The following MAPKAPK3 variants were observed in gnomAD, a reference collection of about 807,000 sequenced individuals.
MAPKAPK3 encodes MAPK activated protein kinase 3, also known as MAP kinase-activated protein kinase 3.
MAPKAPK3 carries 35 observed loss-of-function variants against 49.2 expected under a neutral mutation model. That is an observed-to-expected ratio of 0.71 (90% confidence interval 0.54 to 0.94). The LOEUF is 0.94. MAPKAPK3 is among the 40% of genes least tolerant of loss of function. MAPKAPK3 has a pLI of 0.00. For missense variants in MAPKAPK3, 398 were observed against 493.1 expected (o/e 0.81, Z 1.83); for synonymous variants, 178 against 188.7 (o/e 0.94, Z 0.46).
chr3:50,626,915 G>A (rs987775680), intron 2 of MAPKAPK3, among the ~76,000 whole-genome samples: 6 of 152,176 alleles, frequency 3.9e-5, no homozygotes, highest in African/African-American at 1.4e-4. Context: ...AGCCTGGGCC[G>A]GGCGCAGTGG....
Position 50,646,223 on chromosome 3 carries a change from A to G in MAPKAPK3, c.788A>G (p.Tyr263Cys). The part of the protein sequence containing the change: ...GMKRRIRLGQ[Y>C]GFPNPEWSEV... ...AAGAGGAGGATTCGCCTGGGCCAGT[A>G]CGGCTTCCCCAATCCTGAGTGGTCA... The change falls in exon 8 of 11, where the codon TAC becomes TGC. Residue 263 changes from tyrosine (Y) to cysteine (C), a missense_variant. Physicochemically the swap from Tyr to Cys is radical, Grantham distance 194 (BLOSUM62 -2). Around this residue, in one of 5 missense-constraint regions of MAPKAPK3, gnomAD observed 152 missense variants for 177.3 expected, o/e 0.86. Transcript: ENST00000621469. 6.2e-7 allele frequency: 1 copy of G among 1,614,138 alleles called. No individual in the cohort carries two copies. The highest frequency in any genetic ancestry group is 8.5e-7 in the Non-Finnish European group (1 of 1,180,028).
At chr3:50,632,684 C>G (rs1046947868) in intron 2 of MAPKAPK3, among the ~76,000 whole-genome samples, 3 of 152,232 alleles carry the variant, frequency 2.0e-5, no homozygotes, top group South Asian at 4.1e-4. Context: ...TCTCTTACCC[C>G]GGAAACAGTG....
At chr3:50,634,309 G>T (rs577373437) in intron 2 of MAPKAPK3, among the ~76,000 whole-genome samples, 9 of 152,102 alleles carry the variant, frequency 5.9e-5, no homozygotes, top group Admixed American at 2.0e-4. Flanking sequence ...GTCTGTGTGT[G>T]TGTGTGAATG....
At chr3:50,642,984 T>A (rs2033210199) in intron 5 of MAPKAPK3, among the ~76,000 whole-genome samples, 1 of 152,218 alleles carries the variant, frequency 6.6e-6, no homozygotes, top group Non-Finnish European at 1.5e-5. Flanking sequence ...CCCAAGTAGC[T>A]GGGACTACAG....
At chr3:50,636,536 T>C (rs1018988018) in intron 2 of MAPKAPK3, among the ~76,000 whole-genome samples, 7 of 152,188 alleles carry the variant, frequency 4.6e-5, no homozygotes, top group Non-Finnish European at 8.8e-5. Context: ...TTTTCTGTCT[T>C]GATGGAAGTT....
chr3:50,634,277 A>G (rs2107588642), intron 2 of MAPKAPK3, among the ~76,000 whole-genome samples: 1 of 152,124 alleles, frequency 6.6e-6, no homozygotes, highest in South Asian at 2.1e-4. Context: ...TTTCCACCTC[A>G]CAGGGGTGTG....
rs79159165 is a variant in MAPKAPK3, at chr3:50,648,259, G to T, written c.*213G>T. ...GGCTCAAGCCCTAGAGATGGGCAGGGCCTAGGGGCTGGGAGCTGCCTGCTG... is the reference window on the plus strand; with the variant it reads ...GGCTCAAGCCCTAGAGATGGGCAGGTCCTAGGGGCTGGGAGCTGCCTGCTG... On this transcript the variant is annotated 3_prime_UTR_variant, in exon 11 of 11. Transcript: ENST00000621469. 25,056 of 558,790 alleles carry T rather than the reference G, an allele frequency of 0.045. 3,055 individuals are homozygous for T. Among genetic ancestry groups the T allele is most frequent in the East Asian group, 0.32 (10,058 of 31,032 alleles). 34.6% of individuals were successfully genotyped at this position (558,790 alleles called of 1,614,324 possible).
chr3:50,617,571 TG>T lies in MAPKAPK3; in HGVS notation c.8del (p.Gly3ValfsTer37). ...CTGAGCGCCCCGCGGGGGCCATGGA[TG>T]GTGAAACAGCAGAGGAGCAGGGGGG... MD[G>X]ETAEEQGGPV... is the part of the protein sequence containing the mutation. On this transcript the variant is annotated frameshift_variant, in exon 2 of 11. Transcript: ENST00000621469. LOFTEE classifies it high-confidence loss of function. 1 of 1,541,788 alleles carries T rather than the reference TG, an allele frequency of 6.5e-7. No individual in the cohort carries two copies. The highest frequency in any genetic ancestry group is 8.9e-7 in the Non-Finnish European group (1 of 1,119,996).
chr3:50,623,108 C>G (rs979747656), intron 2 of MAPKAPK3, among the ~76,000 whole-genome samples: 1 of 152,164 alleles, frequency 6.6e-6, no homozygotes, highest in Non-Finnish European at 1.5e-5. Flanking sequence ...ATCTCCAGAC[C>G]GGTCAGATCA....
upstream of MAPKAPK3, among the ~76,000 whole-genome samples, chr3:50,614,851 C>A (rs575249112): frequency 6.6e-6 from 1 of 152,256 alleles, no homozygotes; most frequent in South Asian, 2.1e-4. Flanking sequence ...GTTATAGGGA[C>A]TGGGAGGGGA....
rs368591672 is a variant in MAPKAPK3 at position 50,647,976 on chromosome 3, G to A, written c.1079G>A (p.Arg360Gln). The A allele has an allele frequency of 2.2e-5, 36 of 1,613,678 alleles. No individual in the cohort carries two copies. The highest frequency in any genetic ancestry group is 4.5e-5 in the East Asian group (2 of 44,892). ...AAGGACCTGAAGACCTCTAACAACC[G>A]GCTCCTCAACAAGAGGAGAAAAAAG... ...KIKDLKTSNN[R>Q]LLNKRRKKQA... The change falls in exon 11 of 11, where the codon CGG becomes CAG. Residue 360 changes from arginine to glutamine, a missense_variant. Coordinates refer to ENST00000621469, the MANE Select transcript of MAPKAPK3 (RefSeq NM_001243925.2).
chr3:50,641,560 C>CAAGGG, intron 3 of MAPKAPK3, 147 bp from the exon 4 acceptor site: 2 of 707,954 alleles, frequency 2.8e-6, no homozygotes, highest in Non-Finnish European at 5.2e-6. Flanking sequence ...CCAGGTTCTA[C>CAAGGG]AAGGGACAGG....
At position 50,648,179 on chromosome 3, in the gene MAPKAPK3, C is replaced by T. The variant is rs970932814; in HGVS notation, c.*133C>T. On this transcript the variant is annotated 3_prime_UTR_variant, in exon 11 of 11. Transcript: ENST00000621469. ...TTTTGTTGTGTTTTAATTTGTCACT[C>T]GGAACTTCAGGATGGAGGACCCTGA... 13 of 995,456 alleles carry T rather than the reference C, an allele frequency of 1.3e-5. No individual in the cohort carries two copies. Among genetic ancestry groups the T allele is most frequent in the African/African-American group, 6.6e-5 (4 of 60,808 alleles). 61.7% of individuals were successfully genotyped at this position (995,456 alleles called of 1,614,324 possible). A position where few individuals can be genotyped will look rare whatever the true frequency, so the allele number is the denominator to read the frequency against.
At chr3:50,615,513 C>T (rs1559481170), upstream of MAPKAPK3, among the ~76,000 whole-genome samples, 1 of 138,566 alleles carries the variant, frequency 7.2e-6, no homozygotes, top group Non-Finnish European at 1.7e-5. Flanking sequence ...GGATAAGAGC[C>T]CAGCCCTGAG....
At chr3:50,632,776 G>A (rs2032944263) in intron 2 of MAPKAPK3, among the ~76,000 whole-genome samples, 1 of 152,240 alleles carries the variant, frequency 6.6e-6, no homozygotes, top group South Asian at 2.1e-4. Flanking sequence ...GGGTTTGGCT[G>A]CAAGAGGTGT....
chr3:50,630,091 C>A lies in MAPKAPK3; in HGVS notation c.220-10275C>A, dbSNP rs371356054. Among the ~76,000 whole-genome samples the A allele has an allele frequency of 5.2e-4, 79 of 152,324 alleles. 1 individual carries two copies. In the South Asian group the frequency reaches 0.016, roughly 31 times the overall value. The stretch of plus-strand genomic sequence containing the variant: ...AGAAGGGGAGTGGTTGTTTAGGGGT[C>A]CTCCTTTCTTGTGAGTTCCCTCAGA... On this transcript the variant is annotated intron_variant, in intron 2 of 10. Transcript: ENST00000621469.
At chr3:50,616,902 G>A (rs2032477316), upstream of MAPKAPK3, among the ~76,000 whole-genome samples, 2 of 151,954 alleles carry the variant, frequency 1.3e-5, no homozygotes, top group Admixed American at 1.3e-4. Flanking sequence ...GCACAGTAGC[G>A]GACTGCCAGT....
rs566415933 is a variant in MAPKAPK3, at chr3:50,637,508, A to T, written c.220-2858A>T. On this transcript the variant is annotated intron_variant, in intron 2 of 10. Transcript: ENST00000621469. ...AAAATAGCTGGGCGTGGTGGCGGGC[A>T]CCTGTAGTCCCAGCTACTCGGGAGG... 7.9e-5 allele frequency among the ~76,000 whole-genome samples: 12 copies of T among 151,960 alleles called. No homozygotes were observed. In the East Asian group the frequency reaches 2.3e-3, roughly 29 times the overall value.
At chr3:50,629,985 C>G (rs181008293) in intron 2 of MAPKAPK3, among the ~76,000 whole-genome samples, 244 of 152,360 alleles carry the variant, frequency 1.6e-3, no homozygotes, top group Non-Finnish European at 2.6e-3. Flanking sequence ...CCCAAGAACT[C>G]TGGTGAGAAG....
Sources: allele counts gnomAD v4.1 joint callset (sites outside exome capture counted in the v4.1 genomes callset), GRCh38; gene constraint gnomAD v4.1.1; regional missense constraint gnomAD v4.1.1; transcripts MANE v1.5; gene names NCBI Gene and HGNC (gene_info 2026-07-23, HGNC 2026-07-21).